ZC3H18: variants seen among roughly 807,000 people sequenced by gnomAD.
The protein encoded by ZC3H18 is zinc finger CCCH domain-containing protein 18.
ZC3H18 carries 8 observed loss-of-function variants against 106.1 expected under a neutral mutation model. The observed-to-expected ratio is 0.08, with a 90% CI of 0.04 to 0.14. ZC3H18 has a LOEUF of 0.14. ZC3H18 is among the 10% of genes least tolerant of loss of function. The pLI is 1.00. For synonymous variants in ZC3H18, 635 were observed against 522.1 expected (o/e 1.22, Z -2.95); for missense variants, 1,318 against 1,278.4 (o/e 1.03, Z -0.47).
At position 88,615,195 on chromosome 16, in the gene ZC3H18, C is replaced by A. The variant is rs1358751908; in HGVS notation, c.1475+3659C>A. Among the ~76,000 whole-genome samples the A allele has an allele frequency of 1.5e-5, 2 of 129,554 alleles. 1 individual carries two copies. Among genetic ancestry groups the A allele is most frequent in the African/African-American group, 5.5e-5 (2 of 36,612 alleles). The allele number at this position is 129,554 out of a possible 152,430, so 85.0% of individuals were successfully genotyped here. On this transcript the variant is annotated intron_variant, in intron 8 of 17. Coordinates refer to ENST00000301011, the MANE Select transcript of ZC3H18 (RefSeq NM_144604.4). ...CTTTGACAGGCTGCCCCCACCTCCTCCGTTCCCTCTGCCTTTGACAGGCTG... is the reference window on the plus strand; with the variant it reads ...CTTTGACAGGCTGCCCCCACCTCCTACGTTCCCTCTGCCTTTGACAGGCTG...
Position 88,631,332 on chromosome 16 carries a change from T to C in ZC3H18, c.*33T>C. Reference sequence around the variant, plus strand: ...CCCGACCGGACTGGACGCATTTTTATACATAGGGTAAGCGCAGCCATTTTG... The same window carrying C: ...CCCGACCGGACTGGACGCATTTTTACACATAGGGTAAGCGCAGCCATTTTG... On this transcript the variant is annotated 3_prime_UTR_variant, in exon 18 of 18. Coordinates refer to ENST00000301011, the MANE Select transcript of ZC3H18 (RefSeq NM_144604.4). 6.4e-7 allele frequency: 1 copy of C among 1,553,538 alleles called. No homozygotes were observed. The highest frequency in any genetic ancestry group is 1.7e-4 in the Middle Eastern group (1 of 5,994).
intron 2 of ZC3H18, among the ~76,000 whole-genome samples, chr16:88,585,263 A>G (rs887320941): frequency 6.6e-6 from 1 of 152,254 alleles, no homozygotes; most frequent in Non-Finnish European, 1.5e-5. Context: ...TAATAACCAG[A>G]TATCTTTGAG....
intron 7 of ZC3H18, among the ~76,000 whole-genome samples, chr16:88,609,709 C>T (rs927279043): frequency 1.3e-5 from 2 of 152,184 alleles, no homozygotes; most frequent in African/African-American, 4.8e-5. Context: ...AAGCAATTCT[C>T]CTGCCTCAGC....
At chr16:88,582,219 C>CTTTT (rs71391393) in intron 2 of ZC3H18, among the ~76,000 whole-genome samples, 4,703 of 77,076 alleles carry the variant, frequency 0.061, 699 homozygotes, top group African/African-American at 0.085. Flanking sequence ...TTTTTCTTTT[C>CTTTT]TTTTTTTTTT....
chr16:88,622,792 G>T, intron 9 of ZC3H18: 1 of 277,824 alleles, frequency 3.6e-6, no homozygotes, highest in South Asian at 4.5e-5. Context: ...CCCGGCTCCC[G>T]AGTGAGGGAT....
At chr16:88,591,018 T>C (rs910081905) in intron 3 of ZC3H18, among the ~76,000 whole-genome samples, 6 of 150,188 alleles carry the variant, frequency 4.0e-5, no homozygotes, top group African/African-American at 1.2e-4. Context: ...TCACCCAGGC[T>C]GGAGTGCAGT....
At chr16:88,588,643 C>T (rs964680591) in intron 3 of ZC3H18, among the ~76,000 whole-genome samples, 4 of 152,094 alleles carry the variant, frequency 2.6e-5, no homozygotes, top group Admixed American at 6.5e-5. Flanking sequence ...CAAGTGAGAC[C>T]ATGTGGAAGG....
rs74629741 is a variant in ZC3H18 at position 88,598,363 on chromosome 16, G to A, written c.837+37G>A. ...CTCTTCTTTCATTGTTAGCACATCA[G>A]CCAACTGAGCTGTGTCTGAATCTCA... On this transcript the variant is annotated intron_variant, in intron 4 of 17. Transcript: ENST00000301011. 1,885 of 1,572,000 alleles carry A rather than the reference G, an allele frequency of 1.2e-3. 19 individuals are homozygous for A. The African/African-American group carries it at 0.022, about 18-fold the overall frequency.
Position 88,631,612 on chromosome 16 carries a change from G to C in ZC3H18, c.*313G>C, listed in dbSNP as rs1289930900. 1 of 487,640 alleles carries C rather than the reference G, an allele frequency of 2.1e-6. No homozygotes were observed. The highest frequency in any genetic ancestry group is 2.0e-5 in the African/African-American group (1 of 51,216). 30.2% of individuals were successfully genotyped at this position (487,640 alleles called of 1,614,324 possible). On this transcript the variant is annotated 3_prime_UTR_variant, in exon 18 of 18. Transcript: ENST00000301011. ...TCCTCCTCCTCCGTCTTCTTCCCTG[G>C]CCCTGGTCAGGCCTGTGGAGCCCCA...
chr16:88,612,984 T>C (rs994125300), intron 8 of ZC3H18, among the ~76,000 whole-genome samples: 6 of 152,124 alleles, frequency 3.9e-5, no homozygotes, highest in Admixed American at 3.3e-4. Context: ...GCCTGGGTAA[T>C]AGAGCAAGAT....
At chr16:88,605,317 G>T (rs981587305) in intron 6 of ZC3H18, among the ~76,000 whole-genome samples, 1 of 152,262 alleles carries the variant, frequency 6.6e-6, no homozygotes, top group Non-Finnish European at 1.5e-5. Flanking sequence ...TGTGGCCTCT[G>T]CATGCCTTTG....
chr16:88,593,780 G>C (rs1352871024), intron 3 of ZC3H18, among the ~76,000 whole-genome samples: 1 of 152,244 alleles, frequency 6.6e-6, no homozygotes, highest in Non-Finnish European at 1.5e-5. Context: ...ACAACGGACA[G>C]TGTTAGCAGT....
chr16:88,625,523 G>A lies in ZC3H18; in HGVS notation c.2108+256G>A, dbSNP rs1906249756. 1.5e-5 allele frequency: 8 copies of A among 520,400 alleles called. No homozygotes were observed. The South Asian group carries it at 1.6e-4, about 11-fold the overall frequency. The allele number at this position is 520,400 out of a possible 1,614,324, so 32.2% of individuals were successfully genotyped here. A position where few individuals can be genotyped will look rare whatever the true frequency, so the allele number is the denominator to read the frequency against. ...TCGGGGGCACTCAGGTCAGGAGGAGGTGCCTCTGCCCTGCTGACTTGATGC... is the reference window on the plus strand; with the variant it reads ...TCGGGGGCACTCAGGTCAGGAGGAGATGCCTCTGCCCTGCTGACTTGATGC... On this transcript the variant is annotated intron_variant, in intron 13 of 17. Coordinates refer to ENST00000301011, the MANE Select transcript of ZC3H18 (RefSeq NM_144604.4).
chr16:88,577,016 G>C, intron 1 of ZC3H18, 94 bp from the exon 2 acceptor site: 1 of 1,355,058 alleles, frequency 7.4e-7, no homozygotes, highest in South Asian at 1.5e-5. Context: ...GACCAAGCAG[G>C]ATGGAAGTCC....
At chr16:88,596,226 A>G (rs764487716) in intron 3 of ZC3H18, among the ~76,000 whole-genome samples, 2 of 152,194 alleles carry the variant, frequency 1.3e-5, no homozygotes, top group Non-Finnish European at 2.9e-5. Flanking sequence ...TCCCCATGCC[A>G]ATATCAGTGA....
chr16:88,587,937 C>T (rs1915533303), intron 3 of ZC3H18, among the ~76,000 whole-genome samples: 1 of 152,200 alleles, frequency 6.6e-6, no homozygotes, highest in East Asian at 1.9e-4. Context: ...AGGCTCGCTC[C>T]TGTGGGTGTG....
intron 13 of ZC3H18, chr16:88,625,767 A>C (rs1241475395): frequency 6.5e-6 from 1 of 153,312 alleles, no homozygotes; most frequent in African/African-American, 2.6e-5. Flanking sequence ...TGGGAGGCCA[A>C]GGCAGGAGGA....
chr16:88,571,655 A>C (rs1476902626), intron 1 of ZC3H18: 1 of 985,270 alleles, frequency 1.0e-6, no homozygotes, highest in Non-Finnish European at 1.2e-6. Flanking sequence ...TTGTGGAGTC[A>C]CTCCAGAAAG....
intron 5 of ZC3H18, 50 bp from the exon 6 acceptor site, chr16:88,599,741 G>A (rs757758887): frequency 8.3e-6 from 13 of 1,568,314 alleles, no homozygotes; most frequent in South Asian, 4.7e-5. Context: ...TCCTAACAGC[G>A]ACGCCCGGTA....
Sources: gnomAD v4.1 joint callset for allele counts (sites outside exome capture counted in the v4.1 genomes callset) on GRCh38, gnomAD v4.1.1 for gene constraint, MANE v1.5 for transcripts, NCBI Gene and HGNC (gene_info 2026-07-23, HGNC 2026-07-21) for gene names.